The following CPED1 variants were observed in gnomAD, a reference collection of about 807,000 sequenced individuals.
The protein encoded by CPED1 is cadherin like and PC-esterase domain containing 1.
CPED1 carries 114 observed loss-of-function variants against 128.2 expected under a neutral mutation model. That is an observed-to-expected ratio of 0.89 (90% CI 0.76 to 1.04). CPED1 has a LOEUF of 1.04. Ranked by LOEUF, CPED1 falls within the 50% of genes least tolerant of loss-of-function variation. The probability of loss-of-function intolerance (pLI) is 0.00; values close to 1 mark genes in which losing one functional copy is unlikely to be tolerated. For missense variants in CPED1, 1,211 were observed against 1,207.1 expected, an observed-to-expected ratio of 1.00 and a Z score of -0.05; for synonymous variants, 462 against 426.7, an observed-to-expected ratio of 1.08 and a Z score of -1.02.
chr7:121,226,108 G>A (rs958512228), intron 16 of CPED1, among the ~76,000 whole-genome samples: 3 of 152,038 alleles, frequency 2.0e-5, no homozygotes, highest in Non-Finnish European at 2.9e-5. Context: ...TTTCCCCATC[G>A]TTATGGTTTT....
At position 121,056,737 on chromosome 7, in the gene CPED1, C is replaced by T. The variant is rs990941434; in HGVS notation, c.541-7501C>T. Among the ~76,000 whole-genome samples, 10 of 152,176 alleles carry T rather than the reference C, an allele frequency of 6.6e-5. No homozygotes were observed. In the East Asian group the frequency reaches 1.9e-3, roughly 29 times the overall value. On this transcript the variant is annotated intron_variant, in intron 4 of 22. Coordinates refer to ENST00000310396, the MANE Select transcript of CPED1 (RefSeq NM_024913.5). Reference sequence around the variant, plus strand: ...AACTTCTATTTGTCATGGGTTAAACCTCTTGGTTTGCTCTCTAATTCTCTT... The same window carrying T: ...AACTTCTATTTGTCATGGGTTAAACTTCTTGGTTTGCTCTCTAATTCTCTT...
chr7:121,194,497 C>T (rs1305929385), intron 16 of CPED1, among the ~76,000 whole-genome samples: 1 of 151,970 alleles, frequency 6.6e-6, no homozygotes, highest in Non-Finnish European at 1.5e-5. Context: ...CATATATGAT[C>T]TCCACATATC....
At chr7:121,074,697 C>T (rs1476216009) in intron 5 of CPED1, among the ~76,000 whole-genome samples, 2 of 151,828 alleles carry the variant, frequency 1.3e-5, no homozygotes, top group Non-Finnish European at 2.9e-5. Context: ...ATTATTAAGC[C>T]ATCCTTTGCT....
chr7:121,133,168 G>C (rs936440781), intron 12 of CPED1, among the ~76,000 whole-genome samples: 1 of 152,068 alleles, frequency 6.6e-6, no homozygotes, highest in Non-Finnish European at 1.5e-5. Context: ...TCAGGGGCCT[G>C]CAGATGATCC....
At chr7:121,070,789 C>G (rs1247217630) in intron 5 of CPED1, among the ~76,000 whole-genome samples, 2 of 152,126 alleles carry the variant, frequency 1.3e-5, no homozygotes, top group African/African-American at 4.8e-5. Context: ...CTTTCTTGCT[C>G]CTAAATAATC....
chr7:121,266,505 C>T (rs970014405), intron 19 of CPED1, 58 bp downstream of exon 19: 62 of 1,397,934 alleles, frequency 4.4e-5, no homozygotes, highest in Non-Finnish European at 1.2e-5. Context: ...GTTCTGCTAG[C>T]AGTCGTCACT....
At chr7:121,130,350 T>G in intron 12 of CPED1, 56 bp downstream of exon 12, 1 of 1,455,842 alleles carries the variant, frequency 6.9e-7, no homozygotes, top group East Asian at 2.4e-5. Context: ...GTTTACAGAT[T>G]GATTTCAAAA....
At chr7:121,038,078 A>T (rs2116878869) in intron 3 of CPED1, among the ~76,000 whole-genome samples, 1 of 152,222 alleles carries the variant, frequency 6.6e-6, no homozygotes. Context: ...TCATATCATC[A>T]GCAAGCAGCG....
chr7:121,101,526 T>A (rs1236098977), intron 7 of CPED1, among the ~76,000 whole-genome samples: 1 of 152,232 alleles, frequency 6.6e-6, no homozygotes, highest in African/African-American at 2.4e-5. Context: ...GAAGCATTTC[T>A]GTTTTCTGAG....
chr7:121,277,145 C>A (rs1792346138), intron 22 of CPED1, among the ~76,000 whole-genome samples: 1 of 151,942 alleles, frequency 6.6e-6, no homozygotes, highest in African/African-American at 2.4e-5. Flanking sequence ...ATCTATAGAT[C>A]TTATTTGTGG....
intron 2 of CPED1, among the ~76,000 whole-genome samples, chr7:121,003,875 T>C (rs189904723): frequency 1.3e-5 from 2 of 152,216 alleles, no homozygotes; most frequent in Admixed American, 6.5e-5. Flanking sequence ...TGAATAGCCA[T>C]GAGGGTAATA....
chr7:121,010,183 T>C (rs1016799173), intron 2 of CPED1, among the ~76,000 whole-genome samples: 75 of 152,264 alleles, frequency 4.9e-4, no homozygotes, highest in African/African-American at 1.8e-3. Context: ...TAGGTGATAA[T>C]GGGTTTTGGT....
At chr7:121,048,581 C>G (rs956641648) in intron 4 of CPED1, among the ~76,000 whole-genome samples, 3 of 152,152 alleles carry the variant, frequency 2.0e-5, no homozygotes, top group African/African-American at 4.8e-5. Context: ...CCTCTGACAC[C>G]CAGGCTGGGG....
chr7:121,021,068 T>C (rs1459277026), intron 3 of CPED1, among the ~76,000 whole-genome samples: 1 of 151,924 alleles, frequency 6.6e-6, no homozygotes. Flanking sequence ...TATTGGAATT[T>C]GTATTGAAAT....
intron 2 of CPED1, among the ~76,000 whole-genome samples, chr7:120,993,443 G>A (rs1796342180): frequency 6.6e-6 from 1 of 152,008 alleles, no homozygotes. Flanking sequence ...ATGTCTTCTT[G>A]ACCCTCCCTT....
intron 12 of CPED1, among the ~76,000 whole-genome samples, chr7:121,130,742 G>C (rs889860156): frequency 2.6e-5 from 4 of 151,996 alleles, no homozygotes; most frequent in African/African-American, 7.2e-5. Flanking sequence ...ATATACATAT[G>C]TTCTGTCTTT....
chr7:121,006,123 T>G (rs1398883169), intron 2 of CPED1, among the ~76,000 whole-genome samples: 1 of 152,204 alleles, frequency 6.6e-6, no homozygotes, highest in Non-Finnish European at 1.5e-5. Flanking sequence ...GCTCTTTCCT[T>G]TCTGCTATAT....
chr7:121,124,375 A>C lies in CPED1; in HGVS notation c.963A>C (p.Gln321His), dbSNP rs147947186. Reference sequence around the variant, plus strand: ...CATTCCTGAGAGCCAGTTCACCTCAACAGGCTTTTGACATTATGAAGGAAG... The same window carrying C: ...CATTCCTGAGAGCCAGTTCACCTCACCAGGCTTTTGACATTATGAAGGAAG... ...FETFLRASSP[Q>H]QAFDIMKEAI... Residue 321 changes from glutamine to histidine, a missense_variant, in exon 8 of 23, where the codon CAA becomes CAC. Transcript: ENST00000310396. The C allele has an allele frequency of 1.0e-4, 163 of 1,610,608 alleles. No individual in the cohort carries two copies. In the African/African-American group the frequency reaches 1.8e-3, roughly 18 times the overall value.
intron 7 of CPED1, among the ~76,000 whole-genome samples, chr7:121,117,075 C>CT (rs1349603881): frequency 2.7e-5 from 2 of 74,488 alleles, no homozygotes; most frequent in East Asian, 6.4e-4. Flanking sequence ...TATATATACA[C>CT]ATTATATATA....
Sources: allele counts gnomAD v4.1 joint callset (sites outside exome capture counted in the v4.1 genomes callset), GRCh38; gene constraint gnomAD v4.1.1; transcripts MANE v1.5; gene names NCBI Gene and HGNC (gene_info 2026-07-23, HGNC 2026-07-21).